HERC3: variants seen among roughly 807,000 people sequenced by gnomAD.
The protein encoded by HERC3 is HECT and RLD domain containing E3 ubiquitin protein ligase 3.
In HERC3, 58 loss-of-function variants were observed where a neutral mutation model predicts 129.9. The ratio of observed to expected loss-of-function variants is 0.45; its 90% confidence interval spans 0.36 to 0.56. The LOEUF (loss-of-function observed/expected upper bound fraction) is 0.56. HERC3 is among the 20% of genes least tolerant of loss of function. The pLI is 0.00. For missense variants in HERC3, 835 were observed against 1,244.2 expected, an observed-to-expected ratio of 0.67 and a Z score of 4.95; for synonymous variants, 430 against 451.0, an observed-to-expected ratio of 0.95 and a Z score of 0.59.
intron 3 of HERC3, among the ~76,000 whole-genome samples, chr4:88,622,380 A>G (rs1024052362): frequency 6.6e-6 from 1 of 152,184 alleles, no homozygotes; most frequent in Non-Finnish European, 1.5e-5. Context: ...TTATACTTTT[A>G]TCAGTTGATA....
chr4:88,590,141 G>A (rs1220017255), upstream of HERC3, among the ~76,000 whole-genome samples: 2 of 152,152 alleles, frequency 1.3e-5, no homozygotes, highest in African/African-American at 4.8e-5. Context: ...GGTGGTGAGC[G>A]CCTGTAATCC....
chr4:88,528,114 T>C, the HERC3 span: 1 of 255,368 alleles, frequency 3.9e-6, no homozygotes, highest in South Asian at 5.1e-5. Context: ...GAGGATGTCC[T>C]TTGCACTGAC....
chr4:88,596,977 A>T (rs1235881311), intron 2 of HERC3, among the ~76,000 whole-genome samples: 1 of 152,236 alleles, frequency 6.6e-6, no homozygotes, highest in African/African-American at 2.4e-5. Flanking sequence ...TTTAAGATTT[A>T]GTTACAATGA....
At chr4:88,558,318 C>G in the HERC3 span, among the ~76,000 whole-genome samples, 1 of 152,086 alleles carries the variant, frequency 6.6e-6, no homozygotes, top group Non-Finnish European at 1.5e-5. Context: ...TACTACTCAG[C>G]CACAAAACAG....
intron 3 of HERC3, among the ~76,000 whole-genome samples, chr4:88,617,738 G>A (rs939560429): frequency 2.6e-5 from 4 of 152,164 alleles, no homozygotes; most frequent in African/African-American, 9.7e-5. Flanking sequence ...GGGCGTGGTG[G>A]TGGGCACCTG....
chr4:88,674,231 G>T (rs1331262507), intron 16 of HERC3, among the ~76,000 whole-genome samples: 1 of 152,014 alleles, frequency 6.6e-6, no homozygotes, highest in East Asian at 1.9e-4. Context: ...CAAGGTGGGG[G>T]TTACAGGAAG....
chr4:88,578,763 T>C, the HERC3 span, among the ~76,000 whole-genome samples: 1 of 152,094 alleles, frequency 6.6e-6, no homozygotes, highest in African/African-American at 2.4e-5. Flanking sequence ...AATTAGGGCA[T>C]AAATATCATC....
chr4:88,612,317 G>GT (rs1724432041), intron 3 of HERC3, among the ~76,000 whole-genome samples: 1 of 145,480 alleles, frequency 6.9e-6, no homozygotes, highest in Non-Finnish European at 1.5e-5. Flanking sequence ...GTGTGTGTGT[G>GT]TGTGTGTGTG....
the HERC3 span, among the ~76,000 whole-genome samples, chr4:88,557,487 G>T: frequency 6.6e-6 from 1 of 151,992 alleles, no homozygotes; most frequent in African/African-American, 2.4e-5. Flanking sequence ...GTGGATATTT[G>T]TTCTTTATAT....
rs144235316 is a variant in HERC3 at position 88,619,195 on chromosome 4, C to G, written c.226+13146C>G. Among the ~76,000 whole-genome samples, 1,359 of 152,342 alleles carry G rather than the reference C, an allele frequency of 8.9e-3. 19 individuals carry two copies. Among genetic ancestry groups the G allele is most frequent in the African/African-American group, 0.03 (1,266 of 41,572 alleles). On this transcript the variant is annotated intron_variant, in intron 3 of 25. Transcript: ENST00000402738. ...TCTTTTCACGTTTTCTGTTGTTCCTCTTCCCTTAGATCATTCTTGACTCTG... is the reference window on the plus strand; with the variant it reads ...TCTTTTCACGTTTTCTGTTGTTCCTGTTCCCTTAGATCATTCTTGACTCTG...
At chr4:88,654,581 T>G (rs1729684192) in intron 7 of HERC3, among the ~76,000 whole-genome samples, 1 of 149,682 alleles carries the variant, frequency 6.7e-6, no homozygotes, top group African/African-American at 2.4e-5. Flanking sequence ...TATAAAATGA[T>G]GTCCTATGTT....
rs1208278048 is a variant in HERC3 at position 88,681,234 on chromosome 4, G to A, written c.2416G>A (p.Asp806Asn). ...GLAIYNSTVV[D>N]LHFPLALYKK... ...AGCTATCTACAACTCCACTGTGGTC[G>A]ATCTCCACTTCCCATTGGCTCTCTA... Residue 806 changes from aspartate (D) to asparagine (N), a missense_variant, in exon 21 of 26, where the codon GAT becomes AAT. Coordinates refer to ENST00000402738, the MANE Select transcript of HERC3 (RefSeq NM_014606.3). The A allele has an allele frequency of 1.9e-6, 3 of 1,613,916 alleles. No homozygotes were observed. The highest frequency in any genetic ancestry group is 1.7e-6 in the Non-Finnish European group (2 of 1,179,836).
the HERC3 span, among the ~76,000 whole-genome samples, chr4:88,538,744 C>T: frequency 3.3e-4 from 50 of 152,020 alleles, no homozygotes; most frequent in Admixed American, 9.8e-4. Context: ...GGGGTTTCAC[C>T]GTGTTAGCCA....
In HERC3 at chr4:88,654,079, G is replaced by A. The variant is rs1463083773; in HGVS notation, c.723G>A (p.Thr241=). 5.0e-6 allele frequency: 8 copies of A among 1,612,866 alleles called. No homozygotes were observed. Among genetic ancestry groups the A allele is most frequent in the South Asian group, 1.1e-5 (1 of 91,032 alleles). ...ESPCHVKLLR[T]QKVVYISCGE... is the part of the protein sequence containing the mutation. ...CATGCCATGTAAAACTCTTACGCACGCAAAAAGTTGTCTATATTAGTTGTG... is the reference window on the plus strand; with the variant it reads ...CATGCCATGTAAAACTCTTACGCACACAAAAAGTTGTCTATATTAGTTGTG... Residue 241 remains threonine (T), a synonymous_variant, in exon 7 of 26, where the codon ACG becomes ACA. Transcript: ENST00000402738.
chr4:88,706,539 A>T (rs1488551822), intron 25 of HERC3, among the ~76,000 whole-genome samples: 2 of 152,066 alleles, frequency 1.3e-5, no homozygotes, highest in African/African-American at 4.8e-5. Context: ...TGTGAAATCT[A>T]ACATTTGTGA....
the HERC3 span, among the ~76,000 whole-genome samples, chr4:88,544,956 C>T: frequency 6.6e-6 from 1 of 152,024 alleles, no homozygotes; most frequent in African/African-American, 2.4e-5. Context: ...ATGTAAATGA[C>T]GAGTTGATGG....
intron 2 of HERC3, among the ~76,000 whole-genome samples, chr4:88,602,755 C>T (rs145267577): frequency 6.9e-4 from 105 of 152,314 alleles, no homozygotes; most frequent in African/African-American, 2.5e-3. Context: ...GTTAGGATCA[C>T]AGGTGTGAGC....
chr4:88,674,964 T>C (rs952244625), intron 16 of HERC3, among the ~76,000 whole-genome samples: 1 of 152,240 alleles, frequency 6.6e-6, no homozygotes, highest in African/African-American at 2.4e-5. Context: ...AGGCACATGC[T>C]GCTTATTCGC....
chr4:88,671,322 T>C (rs1297047168), intron 16 of HERC3, among the ~76,000 whole-genome samples: 1 of 152,156 alleles, frequency 6.6e-6, no homozygotes, highest in Non-Finnish European at 1.5e-5. Flanking sequence ...ATATTTTTCC[T>C]GTGGGGTTTT....
Sources: allele counts gnomAD v4.1 joint callset (sites outside exome capture counted in the v4.1 genomes callset), GRCh38; gene constraint gnomAD v4.1.1; transcripts MANE v1.5; gene names NCBI Gene and HGNC (gene_info 2026-07-23, HGNC 2026-07-21).